Variants in R3HDM1 observed in about 807,000 individuals in gnomAD.
R3HDM1 encodes R3H domain-containing protein 1.
R3HDM1 carries 46 observed loss-of-function variants against 141.1 expected under a neutral mutation model. The ratio of observed to expected loss-of-function variants is 0.33; its 90% CI spans 0.26 to 0.42. The LOEUF (loss-of-function observed/expected upper bound fraction) is 0.42. Ranked by LOEUF, R3HDM1 falls within the 10% of genes least tolerant of loss-of-function variation. The pLI is 1.00. For synonymous variants in R3HDM1, 435 were observed against 472.9 expected (o/e 0.92, Z 1.04); for missense variants, 1,184 against 1,368.3 (o/e 0.87, Z 2.12).
chr2:135,558,573 A>T lies in R3HDM1; in HGVS notation c.-250+26940A>T, dbSNP rs533960929. Among the ~76,000 whole-genome samples, 21 of 152,306 alleles carry T rather than the reference A, an allele frequency of 1.4e-4. No homozygotes were observed. In the East Asian group the frequency reaches 4.0e-3, roughly 29 times the overall value. ...ACCTAGCATTTAGCATTTAAGTGTT[A>T]GTCTTTATTGTCATTGTTATATCAC... is the stretch of plus-strand genomic sequence containing the variant. On this transcript the variant is annotated intron_variant, in intron 1 of 26. Coordinates refer to ENST00000683871, the MANE Select transcript of R3HDM1 (RefSeq NM_001378107.1).
chr2:135,533,714 C>T (rs1394691594), intron 1 of R3HDM1, among the ~76,000 whole-genome samples: 1 of 152,152 alleles, frequency 6.6e-6, no homozygotes, highest in Non-Finnish European at 1.5e-5. Context: ...CCCGTCTCTA[C>T]TGAAAATACA....
At chr2:135,706,952 G>C (rs1348383622) in intron 21 of R3HDM1, among the ~76,000 whole-genome samples, 1 of 152,116 alleles carries the variant, frequency 6.6e-6, no homozygotes. Context: ...CAGTAGGGGC[G>C]GCCGGGCAGA....
At chr2:135,593,023 G>T (rs542939427) in intron 1 of R3HDM1, among the ~76,000 whole-genome samples, 1 of 151,982 alleles carries the variant, frequency 6.6e-6, no homozygotes, top group Non-Finnish European at 1.5e-5. Context: ...GGATTGAAGC[G>T]ATTCTCCTGC....
intron 1 of R3HDM1, among the ~76,000 whole-genome samples, chr2:135,601,710 A>G (rs2059631778): frequency 6.6e-6 from 1 of 152,200 alleles, no homozygotes; most frequent in African/African-American, 2.4e-5. Flanking sequence ...TTGCTCTGCC[A>G]TCCAGACTGG....
Position 135,709,631 on chromosome 2 carries a change from G to C in R3HDM1, c.2563+95G>C, listed in dbSNP as rs933530044. On this transcript the variant is annotated intron_variant, in intron 22 of 26. Transcript: ENST00000683871. ...ATTTCTACAAAAAGCTTCTCAATTT[G>C]TGATGTGCTGAAATACACCCACAAT... The C allele has an allele frequency of 2.6e-5, 37 of 1,434,970 alleles. 1 individual carries two copies. In the Admixed American group the frequency reaches 4.8e-4, roughly 19 times the overall value. The allele number at this position is 1,434,970 out of a possible 1,614,324, so 88.9% of individuals were successfully genotyped here.
intron 1 of R3HDM1, among the ~76,000 whole-genome samples, chr2:135,569,653 A>T (rs1477629760): frequency 1.3e-5 from 2 of 151,898 alleles, no homozygotes; most frequent in Non-Finnish European, 2.9e-5. Flanking sequence ...CAGCTCAGAG[A>T]TTAGGATGTT....
At chr2:135,665,848 C>T (rs1031645489) in intron 19 of R3HDM1, among the ~76,000 whole-genome samples, 6 of 152,086 alleles carry the variant, frequency 3.9e-5, no homozygotes, top group African/African-American at 1.4e-4. Context: ...TGACATCAAA[C>T]GGACCTAATA....
chr2:135,616,584 A>C, intron 4 of R3HDM1, 84 bp from the exon 5 acceptor site: 1 of 1,165,966 alleles, frequency 8.6e-7, no homozygotes, highest in East Asian at 2.6e-5. Flanking sequence ...AACTATAAAG[A>C]AACTTAGAAA....
chr2:135,670,317 G>C, intron 19 of R3HDM1: 2 of 985,250 alleles, frequency 2.0e-6, no homozygotes, highest in East Asian at 1.1e-4. Flanking sequence ...GAAGCTGACA[G>C]AGTTTGCTCT....
intron 1 of R3HDM1, among the ~76,000 whole-genome samples, chr2:135,547,348 G>A (rs1698908578): frequency 6.6e-6 from 1 of 152,026 alleles, no homozygotes; most frequent in Non-Finnish European, 1.5e-5. Flanking sequence ...TGAGTTACTT[G>A]AAGAGAATGT....
At chr2:135,705,485 T>C (rs573330221) in intron 21 of R3HDM1, among the ~76,000 whole-genome samples, 30 of 152,260 alleles carry the variant, frequency 2.0e-4, no homozygotes, top group African/African-American at 7.0e-4. Context: ...AGCATTGATA[T>C]TGCTTGATAT....
At chr2:135,583,928 G>C (rs1183718020) in intron 1 of R3HDM1, 3 of 985,292 alleles carry the variant, frequency 3.0e-6, no homozygotes, top group Non-Finnish European at 3.6e-6. Flanking sequence ...TATAACCACA[G>C]TTAAACCCTG....
At chr2:135,592,996 T>C (rs1048040106) in intron 1 of R3HDM1, among the ~76,000 whole-genome samples, 25 of 152,058 alleles carry the variant, frequency 1.6e-4, no homozygotes, top group African/African-American at 5.8e-4. Context: ...CTCGGCTCAC[T>C]GCAACCTGTG....
At position 135,650,527 on chromosome 2, in the gene R3HDM1, T is replaced by C. The variant is rs956286759; in HGVS notation, c.1725+524T>C. 14 of 982,966 alleles carry C rather than the reference T, an allele frequency of 1.4e-5. 1 individual carries two copies. Among genetic ancestry groups the C allele is most frequent in the Middle Eastern group, 1.0e-3 (2 of 1,932 alleles). 60.9% of individuals were successfully genotyped at this position (982,966 alleles called of 1,614,324 possible). A position where few individuals can be genotyped will look rare whatever the true frequency, so the allele number is the denominator to read the frequency against. ...TATCCAAAGTATGCCCCAATTTTTA[T>C]TGGAATAAGAAAATGACTTTTTTCC... On this transcript the variant is annotated intron_variant, in intron 17 of 26. Transcript: ENST00000683871.
At chr2:135,548,433 G>A (rs1699188550) in intron 1 of R3HDM1, among the ~76,000 whole-genome samples, 1 of 152,142 alleles carries the variant, frequency 6.6e-6, no homozygotes, top group Non-Finnish European at 1.5e-5. Context: ...AGGCACATAT[G>A]CATTTAGAAA....
intron 19 of R3HDM1, among the ~76,000 whole-genome samples, chr2:135,662,075 C>A (rs915853773): frequency 2.6e-5 from 4 of 152,160 alleles, no homozygotes; most frequent in Non-Finnish European, 4.4e-5. Flanking sequence ...GAACTCATTT[C>A]TCTGTATGCT....
At chr2:135,699,075 T>TTAGATAGTAGA (rs2073849259) in intron 21 of R3HDM1, among the ~76,000 whole-genome samples, 1 of 132,020 alleles carries the variant, frequency 7.6e-6, no homozygotes, top group Non-Finnish European at 1.5e-5. Context: ...ATTAGATAGA[T>TTAGATAGTAGA]TAGATAGATA....
chr2:135,658,745 C>T (rs1414066252), intron 18 of R3HDM1, among the ~76,000 whole-genome samples: 1 of 152,112 alleles, frequency 6.6e-6, no homozygotes, highest in Non-Finnish European at 1.5e-5. Flanking sequence ...CACAAATACA[C>T]CATACAGCTC....
intron 14 of R3HDM1, 32 bp from the exon 15 acceptor site, chr2:135,641,504 A>G: frequency 6.4e-7 from 1 of 1,565,274 alleles, no homozygotes. Flanking sequence ...TGAGGTTTAA[A>G]AAATCCATAT....
Sources: gnomAD v4.1 joint callset for allele counts (sites outside exome capture counted in the v4.1 genomes callset) on GRCh38, gnomAD v4.1.1 for gene constraint, MANE v1.5 for transcripts, NCBI Gene and HGNC (gene_info 2026-07-23, HGNC 2026-07-21) for gene names.